CDH4: variants seen among roughly 807,000 people sequenced by gnomAD.
The protein encoded by CDH4 is cadherin-4.
A neutral mutation model predicts 86.0 loss-of-function variants in CDH4; 33 were observed. The observed-to-expected ratio is 0.38, with a 90% confidence interval of 0.29 to 0.51. The LOEUF (loss-of-function observed/expected upper bound fraction) is 0.51, where lower values mean the gene tolerates loss of function less well. CDH4 is among the 20% of genes least tolerant of loss of function. CDH4 has a pLI of 0.86. For synonymous variants in CDH4, 555 were observed against 549.4 expected (o/e 1.01, Z -0.14); for missense variants, 1,114 against 1,307.4 (o/e 0.85, Z 2.28).
At chr20:61,315,786 C>T (rs925307643) in intron 2 of CDH4, among the ~76,000 whole-genome samples, 1 of 152,222 alleles carries the variant, frequency 6.6e-6, no homozygotes, top group African/African-American at 2.4e-5. Flanking sequence ...TCACTACAGC[C>T]TCAAACTCAT....
intron 2 of CDH4, among the ~76,000 whole-genome samples, chr20:61,411,921 C>G (rs1455395902): frequency 6.6e-6 from 1 of 152,180 alleles, no homozygotes; most frequent in Non-Finnish European, 1.5e-5. Flanking sequence ...CTGGGTGAGG[C>G]CAGAGAGACC....
At position 61,279,841 on chromosome 20, in the gene CDH4, G is replaced by A. The variant is rs560471472; in HGVS notation, c.169+24904G>A. Among the ~76,000 whole-genome samples the A allele has an allele frequency of 6.6e-5, 10 of 152,192 alleles. 1 individual carries two copies. Among genetic ancestry groups the A allele is most frequent in the African/African-American group, 2.2e-4 (9 of 41,448 alleles). On this transcript the variant is annotated intron_variant, in intron 2 of 15. Coordinates refer to ENST00000614565, the MANE Select transcript of CDH4 (RefSeq NM_001794.5). The stretch of plus-strand genomic sequence containing the variant: ...GCTGCCTGCCGGCTGGGGCTGTTGT[G>A]AGTAACGGGGTGATTGCACAGATGC...
intron 2 of CDH4, among the ~76,000 whole-genome samples, chr20:61,436,300 C>T (rs1053492192): frequency 1.3e-5 from 2 of 152,210 alleles, no homozygotes; most frequent in African/African-American, 4.8e-5. Context: ...CAATTCACTT[C>T]TGACACTGTC....
intron 2 of CDH4, among the ~76,000 whole-genome samples, chr20:61,534,287 T>C (rs903118880): frequency 6.6e-6 from 1 of 152,206 alleles, no homozygotes; most frequent in Non-Finnish European, 1.5e-5. Context: ...GATGGGACAC[T>C]GTGGCTTCGC....
rs371499871 is a variant in CDH4 at position 61,929,808 on chromosome 20, C to T, written c.2205C>T (p.Ile735=). ...VAAAGLGTGA[I]VAILICILIL... ...CGGCTGGTCTGGGCACCGGTGCCAT[C>T]GTGGCCATCCTCATCTGCATCCTCA... Residue 735 remains isoleucine (I), a synonymous_variant, in exon 13 of 16, where the codon ATC becomes ATT. Coordinates refer to ENST00000614565, the MANE Select transcript of CDH4 (RefSeq NM_001794.5). The T allele has an allele frequency of 2.8e-5, 45 of 1,613,842 alleles. No homozygotes were observed. Among genetic ancestry groups the T allele is most frequent in the Admixed American group, 5.0e-5 (3 of 60,008 alleles).
rs140361260 is a variant in CDH4 at position 61,873,595 on chromosome 20, G to A, written c.878-133G>A. On this transcript the variant is annotated intron_variant, in intron 6 of 15. Transcript: ENST00000614565. ...GTGCACTAACACCACCTCTGAACACGCCGAGAGGAAGGGGGTTCCGCTACG... is the reference window on the plus strand; with the variant it reads ...GTGCACTAACACCACCTCTGAACACACCGAGAGGAAGGGGGTTCCGCTACG... 8.5e-4 allele frequency: 761 copies of A among 892,176 alleles called. 7 individuals are homozygous for A. The East Asian group carries it at 0.013, about 15-fold the overall frequency. The allele number at this position is 892,176 out of a possible 1,614,324, so 55.3% of individuals were successfully genotyped here.
chr20:61,846,080 G>A (rs1352178432), intron 5 of CDH4, among the ~76,000 whole-genome samples: 3 of 152,236 alleles, frequency 2.0e-5, no homozygotes, highest in Non-Finnish European at 4.4e-5. Context: ...GGCCACAGTG[G>A]CCTCCCTGAC....
chr20:61,782,152 C>T (rs907323906), intron 4 of CDH4, among the ~76,000 whole-genome samples: 9 of 151,958 alleles, frequency 5.9e-5, no homozygotes, highest in African/African-American at 1.7e-4. Flanking sequence ...ACTAAAAATA[C>T]AAAAAAATCA....
chr20:61,896,530 C>A (rs1006669372), intron 8 of CDH4, among the ~76,000 whole-genome samples: 1 of 152,174 alleles, frequency 6.6e-6, no homozygotes, highest in African/African-American at 2.4e-5. Context: ...TCTAGGTGCT[C>A]CCCCAGGCTC....
intron 4 of CDH4, among the ~76,000 whole-genome samples, chr20:61,799,370 G>A (rs137926303): frequency 1.3e-5 from 2 of 152,364 alleles, no homozygotes; most frequent in African/African-American, 4.8e-5. Context: ...ATATTCCCAT[G>A]AATTTCTGGA....
chr20:61,693,310 A>AGCTCACTCCTCCACAACTCCTCCT (rs2087679422), intron 2 of CDH4, among the ~76,000 whole-genome samples: 1 of 152,140 alleles, frequency 6.6e-6, no homozygotes, highest in Non-Finnish European at 1.5e-5. Flanking sequence ...TCACAGGCAG[A>AGCTCACTCCTCCACAACTCCTCCT]TTCTGTGGAC....
intron 2 of CDH4, among the ~76,000 whole-genome samples, chr20:61,424,531 G>A (rs750817320): frequency 5.3e-5 from 8 of 152,208 alleles, no homozygotes; most frequent in South Asian, 2.1e-4. Flanking sequence ...ATTCACAGAC[G>A]CACAGGCCCT....
At chr20:61,765,390 C>T (rs992903602) in intron 3 of CDH4, among the ~76,000 whole-genome samples, 2 of 152,194 alleles carry the variant, frequency 1.3e-5, no homozygotes, top group Non-Finnish European at 2.9e-5. Flanking sequence ...CCACCATCCC[C>T]AGCCAGTCAA....
intron 2 of CDH4, among the ~76,000 whole-genome samples, chr20:61,706,828 C>G (rs2087836389): frequency 6.6e-6 from 1 of 152,224 alleles, no homozygotes; most frequent in Non-Finnish European, 1.5e-5. Flanking sequence ...ATGTGACCGT[C>G]AGCATCCGAC....
intron 7 of CDH4, among the ~76,000 whole-genome samples, chr20:61,882,021 G>C (rs985316133): frequency 3.9e-5 from 6 of 152,236 alleles, no homozygotes; most frequent in Non-Finnish European, 1.5e-5. Flanking sequence ...GAGCCGCCAG[G>C]AGGTGGAAGA....
intron 2 of CDH4, among the ~76,000 whole-genome samples, chr20:61,467,914 G>A (rs1366528804): frequency 1.3e-5 from 2 of 152,204 alleles, no homozygotes; most frequent in African/African-American, 4.8e-5. Flanking sequence ...TACAGGGAAA[G>A]GACCCCAGTT....
intron 2 of CDH4, among the ~76,000 whole-genome samples, chr20:61,656,916 T>C (rs6089254): frequency 0.34 from 52,313 of 151,980 alleles, 9,182 homozygotes; most frequent in East Asian, 0.57. Flanking sequence ...TTCACAACCA[T>C]CAGCGCTCCA....
rs1018285774 is a variant in CDH4, at chr20:61,417,820, G to T, written c.169+162883G>T. ...AGTCTGAGTTTGGAAGGCGCCGCCA[G>T]AGACTGCACTTCAGTGTACTGTGGT... On this transcript the variant is annotated intron_variant, in intron 2 of 15. Coordinates refer to ENST00000614565, the MANE Select transcript of CDH4 (RefSeq NM_001794.5). This position sits in a 1 kb window ranked among gnomAD's most constrained non-coding sequence, Gnocchi z 4.0. 1.3e-5 allele frequency among the ~76,000 whole-genome samples: 2 copies of T among 152,152 alleles called. No individual in the cohort carries two copies. Among genetic ancestry groups the T allele is most frequent in the African/African-American group, 4.8e-5 (2 of 41,438 alleles).
intron 2 of CDH4, among the ~76,000 whole-genome samples, chr20:61,567,506 C>G (rs2086308433): frequency 6.6e-6 from 1 of 152,176 alleles, no homozygotes; most frequent in Non-Finnish European, 1.5e-5. Context: ...TTCAGGAGGG[C>G]TCCACCCTGG....
Sources: allele counts gnomAD v4.1 joint callset (sites outside exome capture counted in the v4.1 genomes callset), GRCh38; gene constraint gnomAD v4.1.1; non-coding constraint Gnocchi (gnomAD v3.1); transcripts MANE v1.5; gene names NCBI Gene and HGNC (gene_info 2026-07-23, HGNC 2026-07-21).